ACOT12: variants seen among roughly 807,000 people sequenced by gnomAD.
The protein encoded by ACOT12 is acetyl-coenzyme A thioesterase.
Under a neutral mutation model 67.7 loss-of-function variants are expected in ACOT12, and 51 were observed. That is an observed-to-expected ratio of 0.75 (90% CI 0.60 to 0.95). ACOT12 has a LOEUF of 0.95. Among genes scored for constraint, ACOT12 ranks in the 40% least tolerant of loss-of-function variants. The pLI is 0.00. For synonymous variants in ACOT12, 251 were observed against 244.6 expected, an observed-to-expected ratio of 1.03 and a Z score of -0.24; for missense variants, 734 against 708.1, an observed-to-expected ratio of 1.04 and a Z score of -0.41.
At chr5:81,350,989 T>G (rs1472459518) in intron 5 of ACOT12, among the ~76,000 whole-genome samples, 1 of 152,216 alleles carries the variant, frequency 6.6e-6, no homozygotes, top group East Asian at 1.9e-4. Context: ...TTCCTTGCAC[T>G]GCGGCATTTG....
intron 5 of ACOT12, among the ~76,000 whole-genome samples, chr5:81,348,591 G>T (rs2153850450): frequency 6.6e-6 from 1 of 152,090 alleles, no homozygotes; most frequent in African/African-American, 2.4e-5. Flanking sequence ...TTTTTAGACA[G>T]TCTCACTCTG....
chr5:81,349,607 T>TCC (rs1759492962), intron 5 of ACOT12, among the ~76,000 whole-genome samples: 1 of 152,236 alleles, frequency 6.6e-6, no homozygotes, highest in African/African-American at 2.4e-5. Context: ...CTTCAGGGTC[T>TCC]CTTGAAGGAT....
intron 3 of ACOT12, among the ~76,000 whole-genome samples, chr5:81,369,462 T>TA (rs1230716600): frequency 3.3e-5 from 5 of 152,058 alleles, no homozygotes; most frequent in Non-Finnish European, 5.9e-5. Context: ...AAAGTAAAAA[T>TA]AAAAATGTTT....
At chr5:81,393,919 C>A (rs1580606434) in intron 1 of ACOT12, 69 bp downstream of exon 1, 4 of 1,264,044 alleles carry the variant, frequency 3.2e-6, no homozygotes, top group East Asian at 3.3e-5. Context: ...CTACCCCCCC[C>A]AGCCCCCAGC....
chr5:81,374,052 C>T (rs1760336511), intron 2 of ACOT12, among the ~76,000 whole-genome samples: 2 of 152,292 alleles, frequency 1.3e-5, no homozygotes, highest in South Asian at 4.1e-4. Flanking sequence ...GGAGACACCT[C>T]CCAGTAGGGG....
chr5:81,349,544 TG>T (rs1237884144), intron 5 of ACOT12, among the ~76,000 whole-genome samples: 1 of 152,152 alleles, frequency 6.6e-6, no homozygotes, highest in Non-Finnish European at 1.5e-5. Context: ...GGCCCCCCCT[TG>T]GTCATTACTT....
chr5:81,380,312 C>G (rs549088325), intron 2 of ACOT12, among the ~76,000 whole-genome samples: 1 of 152,004 alleles, frequency 6.6e-6, no homozygotes, highest in South Asian at 2.1e-4. Context: ...ACCTGTAATC[C>G]CAGCACTTTG....
intron 1 of ACOT12, among the ~76,000 whole-genome samples, chr5:81,386,103 C>G (rs1037703721): frequency 6.6e-6 from 1 of 152,206 alleles, no homozygotes; most frequent in African/African-American, 2.4e-5. Context: ...TCCTGCAAAT[C>G]TAGCTATTGA....
At chr5:81,309,981 A>G in the ACOT12 span, among the ~76,000 whole-genome samples, 69,376 of 151,636 alleles carry the variant, frequency 0.46, 16,364 homozygotes, top group Admixed American at 0.59. Flanking sequence ...TGCCTAAAGA[A>G]TTTTTATAAG....
chr5:81,323,088 A>AC, the ACOT12 span, among the ~76,000 whole-genome samples: 241 of 152,052 alleles, frequency 1.6e-3, 7 homozygotes, highest in East Asian at 0.043. Context: ...AAAAAGAAAA[A>AC]AAAAAAAAAA....
At chr5:81,311,813 C>T in the ACOT12 span, among the ~76,000 whole-genome samples, 23 of 152,164 alleles carry the variant, frequency 1.5e-4, no homozygotes, top group African/African-American at 5.3e-4. Context: ...GTTCACTCTA[C>T]CTATGGCAGA....
chr5:81,385,920 A>C, intron 1 of ACOT12, 94 bp from the exon 2 acceptor site: 1 of 1,169,986 alleles, frequency 8.5e-7, no homozygotes, highest in Non-Finnish European at 1.2e-6. Context: ...CATTGATTTT[A>C]GTCACCCATC....
chr5:81,385,769 T>C lies in ACOT12; in HGVS notation c.185A>G (p.Glu62Gly). Residue 62 changes from glutamate (E) to glycine (G), a missense_variant, in exon 2 of 15, where the codon GAG (glutamate) becomes GGG (glycine). Physicochemically the swap from Glu to Gly is moderately conservative, Grantham distance 98. Coordinates refer to ENST00000307624, the MANE Select transcript of ACOT12 (RefSeq NM_130767.3). ...VTASVDDIQF[E>G]ETARVGQVIT... ...CAATGTCACTTACCTAGCTGTCTCC[T>C]CAAACTGTATGTCATCCACTGAGGC... 6.2e-7 allele frequency: 1 copy of C among 1,614,086 alleles called. No homozygotes were observed. The highest frequency in any genetic ancestry group is 8.5e-7 in the Non-Finnish European group (1 of 1,180,000).
chr5:81,378,583 T>A (rs1291925391), intron 2 of ACOT12, among the ~76,000 whole-genome samples: 1 of 152,024 alleles, frequency 6.6e-6, no homozygotes, highest in Non-Finnish European at 1.5e-5. Context: ...CTACAATCTA[T>A]CCATCTGACA....
chr5:81,322,468 C>CCAAA, the ACOT12 span, among the ~76,000 whole-genome samples: 3 of 146,600 alleles, frequency 2.0e-5, no homozygotes, highest in Non-Finnish European at 3.0e-5. Context: ...AAAAAATAAA[C>CCAAA]AAAAAAAAAA....
intron 1 of ACOT12, among the ~76,000 whole-genome samples, chr5:81,386,995 A>ATTTTTTTTTTTTTT (rs869281800): frequency 8.6e-5 from 7 of 81,334 alleles, no homozygotes; most frequent in Non-Finnish European, 1.6e-4. Context: ...GATGAGTTCC[A>ATTTTTTTTTTTTTT]TTTTTTTTTT....
the ACOT12 span, chr5:81,311,117 T>G: frequency 1.6e-6 from 2 of 1,242,562 alleles, no homozygotes; most frequent in Non-Finnish European, 2.4e-6. Flanking sequence ...ACTGACAGGG[T>G]TGTGAGGATC....
rs1760709720 is a variant in ACOT12 at position 81,385,777 on chromosome 5, T to C, written c.177A>G (p.Ile59Met). The change falls in exon 2 of 15, where the codon ATA (isoleucine) becomes ATG (methionine). Residue 59 changes from isoleucine to methionine, a missense_variant. Physicochemically the swap from Ile to Met is conservative, Grantham distance 10. Transcript: ENST00000307624. ...VSCVTASVDD[I>M]QFEETARVGQ... is the part of the protein sequence containing the mutation. Reference sequence around the variant, plus strand: ...CTTACCTAGCTGTCTCCTCAAACTGTATGTCATCCACTGAGGCTGTAACGC... The same window carrying C: ...CTTACCTAGCTGTCTCCTCAAACTGCATGTCATCCACTGAGGCTGTAACGC... 16 of 1,613,990 alleles carry C rather than the reference T, an allele frequency of 9.9e-6. No individual in the cohort carries two copies. The East Asian group carries it at 3.6e-4, about 36-fold the overall frequency.
intron 3 of ACOT12, among the ~76,000 whole-genome samples, chr5:81,366,057 C>T (rs1244062721): frequency 6.6e-6 from 1 of 152,196 alleles, no homozygotes; most frequent in Non-Finnish European, 1.5e-5. Flanking sequence ...CTTTTGAGTT[C>T]TCTCCAGCCA....
Sources: allele counts gnomAD v4.1 joint callset (sites outside exome capture counted in the v4.1 genomes callset), GRCh38; gene constraint gnomAD v4.1.1; transcripts MANE v1.5; gene names NCBI Gene and HGNC (gene_info 2026-07-23, HGNC 2026-07-21).